The following FER1L6 variants were observed in gnomAD, a reference collection of about 807,000 sequenced individuals.
FER1L6 encodes the protein fer-1-like protein 6.
Under a neutral mutation model 219.2 loss-of-function variants are expected in FER1L6, and 177 were observed. The ratio of observed to expected loss-of-function variants is 0.81; its 90% confidence interval spans 0.71 to 0.91. The LOEUF (loss-of-function observed/expected upper bound fraction) is 0.91, where lower values mean the gene tolerates loss of function less well. Among genes scored for constraint, FER1L6 ranks in the 40% least tolerant of loss-of-function variants. The pLI, the probability that FER1L6 is intolerant of heterozygous loss-of-function variation, is 0.00. For missense variants in FER1L6, 2,153 were observed against 2,259.9 expected, an observed-to-expected ratio of 0.95 and a Z score of 0.96; for synonymous variants, 768 against 824.3, an observed-to-expected ratio of 0.93 and a Z score of 1.17.
Position 124,064,422 on chromosome 8 carries a change from T to C in FER1L6, c.3404T>C (p.Ile1135Thr), listed in dbSNP as rs1361841092. The C allele has an allele frequency of 6.2e-7, 1 of 1,613,784 alleles. No individual in the cohort carries two copies. The highest frequency in any genetic ancestry group is 8.5e-7 in the Non-Finnish European group (1 of 1,179,932). ...SSSQDPPADHIYVDVEPPPTV... is the reference protein window; with the variant it reads ...SSSQDPPADHTYVDVEPPPTV... ...TCCCAGGATCCCCCAGCAGATCACATTTATGTGGATGTTGAGCCACCTCCC... is the reference window on the plus strand; with the variant it reads ...TCCCAGGATCCCCCAGCAGATCACACTTATGTGGATGTTGAGCCACCTCCC... The change falls in exon 26 of 41, where the codon ATT (isoleucine) becomes ACT (threonine). Residue 1135 changes from isoleucine (I) to threonine (T), a missense_variant. Physicochemically the swap from Ile to Thr is moderately conservative, Grantham distance 89. Transcript: ENST00000522917.
At chr8:123,995,756 G>T (rs1364017471) in intron 12 of FER1L6, among the ~76,000 whole-genome samples, 2 of 151,842 alleles carry the variant, frequency 1.3e-5, no homozygotes, top group East Asian at 1.9e-4. Flanking sequence ...TGCATCGTTA[G>T]GTTGTTTATT....
chr8:124,023,572 C>G lies in FER1L6; in HGVS notation c.2262C>G (p.Gly754=). 2 of 1,614,142 alleles carry G rather than the reference C, an allele frequency of 1.2e-6. No individual in the cohort carries two copies. Among genetic ancestry groups the G allele is most frequent in the Non-Finnish European group, 1.7e-6 (2 of 1,180,010 alleles). The change falls in exon 18 of 41, where the codon GGC becomes GGG. Residue 754 remains glycine, a synonymous_variant. Coordinates refer to ENST00000522917, the MANE Select transcript of FER1L6 (RefSeq NM_001039112.2). ...CGGGGCAGATGGGCAAACACTGCGG[C>G]AAGATCAAAACTCACTTCCTCAAAG... ...PVAGQMGKHC[G]KIKTHFLKPP...
intron 1 of FER1L6, among the ~76,000 whole-genome samples, chr8:123,903,306 G>A (rs564811384): frequency 6.6e-6 from 1 of 152,188 alleles, no homozygotes; most frequent in Non-Finnish European, 1.5e-5. Context: ...GTTTTTAGTA[G>A]TGGTATTTCC....
chr8:124,037,754 A>G (rs974087576), intron 19 of FER1L6, among the ~76,000 whole-genome samples: 11 of 151,930 alleles, frequency 7.2e-5, no homozygotes, highest in Admixed American at 2.6e-4. Flanking sequence ...CCTCAAGACA[A>G]TCAAGTAAGG....
intron 1 of FER1L6, among the ~76,000 whole-genome samples, chr8:123,896,972 T>C (rs1408006511): frequency 6.6e-6 from 1 of 152,222 alleles, no homozygotes; most frequent in African/African-American, 2.4e-5. Flanking sequence ...TGTCAAGGTG[T>C]TCTCCATCTT....
intron 39 of FER1L6, among the ~76,000 whole-genome samples, chr8:124,109,689 C>G (rs1441007009): frequency 6.6e-6 from 1 of 152,120 alleles, no homozygotes; most frequent in Non-Finnish European, 1.5e-5. Context: ...GATCATGTTG[C>G]TCCTTCAGCA....
intron 39 of FER1L6, among the ~76,000 whole-genome samples, chr8:124,113,606 CTCAA>C (rs1166853000): frequency 1.3e-5 from 2 of 152,176 alleles, no homozygotes; most frequent in Non-Finnish European, 2.9e-5. Flanking sequence ...CAAAACAAGA[CTCAA>C]TCATGGTTTA....
chr8:124,097,921 CCCT>C (rs1405091194), intron 37 of FER1L6, 38 bp downstream of exon 37: 4 of 1,072,070 alleles, frequency 3.7e-6, no homozygotes, highest in Non-Finnish European at 5.8e-6. Flanking sequence ...CCATTTCCTT[CCCT>C]CCTCACCTTT....
At chr8:123,924,504 A>C (rs1310993082) in intron 1 of FER1L6, among the ~76,000 whole-genome samples, 1 of 151,086 alleles carries the variant, frequency 6.6e-6, no homozygotes, top group Non-Finnish European at 1.5e-5. Context: ...ATCATACTTC[A>C]GCCCGGGTAA....
chr8:124,032,330 C>A (rs865831128), intron 18 of FER1L6, among the ~76,000 whole-genome samples: 3 of 152,098 alleles, frequency 2.0e-5, no homozygotes, highest in Middle Eastern at 3.4e-3. Context: ...GAGGCTGAGG[C>A]ATGAGAATTA....
At chr8:124,030,272 A>G (rs1015986509) in intron 18 of FER1L6, among the ~76,000 whole-genome samples, 1 of 152,244 alleles carries the variant, frequency 6.6e-6, no homozygotes. Context: ...AAAGTGCCTC[A>G]TCTGTAGTCA....
At chr8:124,104,678 T>A (rs1244190030) in intron 39 of FER1L6, among the ~76,000 whole-genome samples, 2 of 152,206 alleles carry the variant, frequency 1.3e-5, no homozygotes, top group African/African-American at 4.8e-5. Flanking sequence ...CAAACTCTTA[T>A]CCTTTGACAT....
At chr8:123,870,603 G>T (rs1363630440) in intron 1 of FER1L6, among the ~76,000 whole-genome samples, 1 of 152,170 alleles carries the variant, frequency 6.6e-6, no homozygotes, top group Non-Finnish European at 1.5e-5. Flanking sequence ...TCTGAAAAAG[G>T]CATAATTATA....
chr8:123,985,999 A>T, intron 11 of FER1L6, 69 bp from the exon 12 acceptor site: 3 of 862,162 alleles, frequency 3.5e-6, no homozygotes, highest in South Asian at 2.8e-5. Context: ...TGAGGCCAGC[A>T]TCACAAAGTC....
intron 33 of FER1L6, among the ~76,000 whole-genome samples, chr8:124,084,525 G>T (rs1474165601): frequency 6.6e-6 from 1 of 152,030 alleles, no homozygotes. Context: ...ATGATCATAT[G>T]GTTTGTGTCC....
At chr8:124,080,311 C>A (rs1017288548) in intron 32 of FER1L6, among the ~76,000 whole-genome samples, 2 of 151,922 alleles carry the variant, frequency 1.3e-5, no homozygotes, top group African/African-American at 4.8e-5. Context: ...CCATAGTGGG[C>A]TGTTTTTGGT....
At chr8:124,058,247 C>T (rs957864524) in intron 22 of FER1L6, among the ~76,000 whole-genome samples, 1 of 152,056 alleles carries the variant, frequency 6.6e-6, no homozygotes, top group African/African-American at 2.4e-5. Flanking sequence ...ACTTTTGTAC[C>T]CTGTGTGCCA....
chr8:124,086,413 A>C (rs190889101), intron 33 of FER1L6, among the ~76,000 whole-genome samples: 8 of 151,268 alleles, frequency 5.3e-5, no homozygotes, highest in African/African-American at 1.9e-4. Flanking sequence ...ATAGCCCATG[A>C]TTTTAAGCTG....
In FER1L6 at chr8:123,986,084, A is replaced by G; in HGVS notation, c.1427A>G (p.Asn476Ser). 6.2e-7 allele frequency: 1 copy of G among 1,610,710 alleles called. No individual in the cohort carries two copies. ...DVPPEIVPEK[N>S]EEFLLFGAFF... Reference sequence around the variant, plus strand: ...TTTCTGTAGATTGTACCAGAAAAAAATGAGGAATTTTTACTCTTTGGAGCA... The same window carrying G: ...TTTCTGTAGATTGTACCAGAAAAAAGTGAGGAATTTTTACTCTTTGGAGCA... The change falls in exon 12 of 41, where the codon AAT (asparagine) becomes AGT (serine). Residue 476 changes from asparagine (N) to serine (S), a missense_variant. By Grantham distance (46) the Asn-to-Ser change is conservative. Transcript: ENST00000522917.
Sources: allele counts gnomAD v4.1 joint callset (sites outside exome capture counted in the v4.1 genomes callset), GRCh38; gene constraint gnomAD v4.1.1; transcripts MANE v1.5; gene names NCBI Gene and HGNC (gene_info 2026-07-23, HGNC 2026-07-21).